The following KCNQ2 variants were observed in gnomAD, a reference collection of about 807,000 sequenced individuals.
KCNQ2 encodes the protein potassium voltage-gated channel subfamily KQT member 2.
In KCNQ2, 14 loss-of-function variants were observed where a neutral mutation model predicts 84.8. The ratio of observed to expected loss-of-function variants is 0.17; its 90% confidence interval spans 0.11 to 0.26. The LOEUF is 0.26. Among genes scored for constraint, KCNQ2 ranks in the 10% least tolerant of loss-of-function variants. The pLI, the probability that KCNQ2 is intolerant of heterozygous loss-of-function variation, is 1.00. For synonymous variants in KCNQ2, 599 were observed against 554.1 expected, an observed-to-expected ratio of 1.08 and a Z score of -1.14; for missense variants, 788 against 1,254.0, an observed-to-expected ratio of 0.63 and a Z score of 5.61.
At position 63,400,849 on chromosome 20, in the gene KCNQ2, G is replaced by A; in HGVS notation, c.*5795C>T. ...CGTGTCTCTGGAGCCCGTCCCTTGGGCCCCTCGCCCGCCCCACCTGTTCGC... is the reference window on the plus strand; with the variant it reads ...CGTGTCTCTGGAGCCCGTCCCTTGGACCCCTCGCCCGCCCCACCTGTTCGC... On this transcript the variant is annotated 3_prime_UTR_variant, in exon 17 of 17. Coordinates refer to ENST00000359125, the MANE Select transcript of KCNQ2 (RefSeq NM_172107.4). The surrounding 1 kb of genome is among the most constrained non-coding windows in gnomAD (Gnocchi z 8.7). 2.5e-6 allele frequency: 1 copy of A among 398,438 alleles called. No individual in the cohort carries two copies. Among genetic ancestry groups the A allele is most frequent in the Non-Finnish European group, 4.4e-6 (1 of 225,916 alleles). The allele number at this position is 398,438 out of a possible 1,614,324, so 24.7% of individuals were successfully genotyped here.
Position 63,414,869 on chromosome 20 carries a change from A to G in KCNQ2, c.1525+34T>C. The G allele has an allele frequency of 3.8e-6, 6 of 1,584,998 alleles. No individual in the cohort carries two copies. The highest frequency in any genetic ancestry group is 4.3e-6 in the Non-Finnish European group (5 of 1,155,878). ...GTGGCCACCACATCCATCCCCGGAG[A>G]GGATGGACCAGGAGAGGATGCGGCC... On this transcript the variant is annotated intron_variant, in intron 13 of 16. Transcript: ENST00000359125. This position sits in a 1 kb window ranked among gnomAD's most constrained non-coding sequence, Gnocchi z 6.6.
chr20:63,436,862 C>T (rs2081025954), intron 7 of KCNQ2, among the ~76,000 whole-genome samples: 1 of 150,678 alleles, frequency 6.6e-6, no homozygotes, highest in Non-Finnish European at 1.5e-5. Context: ...CTGCAACCTC[C>T]GTCTCCCGGG....
chr20:63,464,385 C>T (rs1261101769), intron 1 of KCNQ2, among the ~76,000 whole-genome samples: 1 of 152,066 alleles, frequency 6.6e-6, no homozygotes, highest in African/African-American at 2.4e-5. Flanking sequence ...CCCACCCCAG[C>T]CCCTCACCTG....
chr20:63,461,059 AG>A (rs2081934430), intron 1 of KCNQ2: 1 of 152,256 alleles, frequency 6.6e-6, no homozygotes, highest in African/African-American at 2.4e-5. Context: ...GAAAGAAACC[AG>A]GAAGAGCAAA....
At chr20:63,417,945 C>A (rs1360884221) in intron 12 of KCNQ2, among the ~76,000 whole-genome samples, 2 of 152,124 alleles carry the variant, frequency 1.3e-5, no homozygotes, top group African/African-American at 4.8e-5. Context: ...CTCGGCGCGG[C>A]CCTGCTGTCC....
chr20:63,409,080 G>T (rs2080034115), intron 15 of KCNQ2, among the ~76,000 whole-genome samples: 1 of 152,244 alleles, frequency 6.6e-6, no homozygotes, highest in Non-Finnish European at 1.5e-5. Context: ...GGGGACAACA[G>T]AAGCAGAAAA....
At chr20:63,415,947 C>T (rs1174707054) in intron 12 of KCNQ2, among the ~76,000 whole-genome samples, 4 of 152,188 alleles carry the variant, frequency 2.6e-5, no homozygotes, top group East Asian at 1.9e-4. Context: ...GCCAAGTCTG[C>T]GGTGGACCCT....
rs1048067870 is a variant in KCNQ2, at chr20:63,403,686, C to T, written c.*2958G>A. On this transcript the variant is annotated 3_prime_UTR_variant, in exon 17 of 17. Coordinates refer to ENST00000359125, the MANE Select transcript of KCNQ2 (RefSeq NM_172107.4). ...ATGGTCTATACAGGTGTGGTCAGTG[C>T]ACATGTGTGCTATGTGGTCTGTGTG... 6.6e-6 allele frequency: 1 copy of T among 152,116 alleles called. No homozygotes were observed. The highest frequency in any genetic ancestry group is 1.5e-5 in the Non-Finnish European group (1 of 68,036). The allele number at this position is 152,116 out of a possible 1,614,324, so 9.4% of individuals were successfully genotyped here. A position where few individuals can be genotyped will look rare whatever the true frequency, so the allele number is the denominator to read the frequency against.
chr20:63,429,523 C>T (rs1214483845), intron 9 of KCNQ2, among the ~76,000 whole-genome samples: 1 of 152,204 alleles, frequency 6.6e-6, no homozygotes, highest in East Asian at 1.9e-4. Context: ...TGCCCGTGTC[C>T]TCCCTCTGCC....
chr20:63,409,046 G>C (rs1463372755), intron 15 of KCNQ2, among the ~76,000 whole-genome samples: 3 of 152,264 alleles, frequency 2.0e-5, no homozygotes, highest in Non-Finnish European at 2.9e-5. Context: ...GGGTCTGATG[G>C]GGACGGAGTT....
chr20:63,444,133 AC>A (rs1460591622), intron 4 of KCNQ2, among the ~76,000 whole-genome samples: 1 of 152,194 alleles, frequency 6.6e-6, no homozygotes, highest in Non-Finnish European at 1.5e-5. Context: ...AAATGAGCCC[AC>A]CCGTGAGCAA....
chr20:63,428,379 C>T lies in KCNQ2; in HGVS notation c.1205G>A (p.Gly402Glu). ...CTCCCCAGCTGACCTGAAAGCGAGT[C>T]CAGATTTACTCTTGAGGTTCCTCAG... ...ELLRNLKSKSGLAFRKDPPPE... is the reference protein window; with the variant it reads ...ELLRNLKSKSELAFRKDPPPE... The change falls in exon 10 of 17, where the codon GGA becomes GAA. Residue 402 changes from glycine (G) to glutamate (E), a missense_variant. Transcript: ENST00000359125. 1 of 1,573,874 alleles carries T rather than the reference C, an allele frequency of 6.4e-7. No individual in the cohort carries two copies. The highest frequency in any genetic ancestry group is 8.6e-7 in the Non-Finnish European group (1 of 1,159,464).
intron 4 of KCNQ2, 113 bp from the exon 5 acceptor site, chr20:63,442,644 A>T (rs1345651394): frequency 3.9e-5 from 31 of 788,092 alleles, no homozygotes; most frequent in African/African-American, 6.4e-5. Flanking sequence ...ACCACCACCA[A>T]AACCATCACC....
chr20:63,462,370 G>GAAAT (rs2081979519), intron 1 of KCNQ2, among the ~76,000 whole-genome samples: 1 of 116,628 alleles, frequency 8.6e-6, no homozygotes, highest in Admixed American at 8.5e-5. Context: ...GGGAGGAGGC[G>GAAAT]GCACCTACCC....
rs955243048 is a variant in KCNQ2, at chr20:63,425,423, G to A, written c.1218-1217C>T. ...TGGACTGTGTGTCCAAAACCTCATC[G>A]AAATCCCATCCGTTGGCCAGGCACA... On this transcript the variant is annotated intron_variant, in intron 10 of 16. Coordinates refer to ENST00000359125, the MANE Select transcript of KCNQ2 (RefSeq NM_172107.4). The surrounding 1 kb of genome is among the most constrained non-coding windows in gnomAD (Gnocchi z 5.5). Among the ~76,000 whole-genome samples the A allele has an allele frequency of 2.0e-5, 3 of 152,016 alleles. No homozygotes were observed. Among genetic ancestry groups the A allele is most frequent in the African/African-American group, 4.8e-5 (2 of 41,360 alleles).
At chr20:63,445,166 T>TC in intron 3 of KCNQ2, 72 bp downstream of exon 3, 4 of 1,603,538 alleles carry the variant, frequency 2.5e-6, no homozygotes, top group East Asian at 2.2e-5. Flanking sequence ...ACGCCCCAGC[T>TC]CCCCCCAGGG....
chr20:63,445,605 C>A, intron 2 of KCNQ2: 1 of 77,966 alleles, frequency 1.3e-5, no homozygotes, highest in Non-Finnish European at 2.1e-5. Context: ...CCACCCTCCC[C>A]ACCTCCCTGT....
intron 6 of KCNQ2, 124 bp downstream of exon 6, chr20:63,439,474 A>C: frequency 1.3e-6 from 1 of 751,350 alleles, no homozygotes; most frequent in Non-Finnish European, 2.4e-6. Context: ...GGGGCTGTGG[A>C]CCTGCTGAGA....
Position 63,454,015 on chromosome 20 carries a change from G to A in KCNQ2, c.297-7178C>T, listed in dbSNP as rs1376058597. Among the ~76,000 whole-genome samples, 4 of 152,324 alleles carry A rather than the reference G, an allele frequency of 2.6e-5. No individual in the cohort carries two copies. The East Asian group carries it at 7.7e-4, about 29-fold the overall frequency. On this transcript the variant is annotated intron_variant, in intron 1 of 16. Transcript: ENST00000359125. ...CCAGGTCCCAAATGTTCAGGACTCA[G>A]CCTGCTTCCTAAGGTGGCTCCGACC... is the stretch of plus-strand genomic sequence containing the variant.
Sources: gnomAD v4.1 joint callset for allele counts (sites outside exome capture counted in the v4.1 genomes callset) on GRCh38, gnomAD v4.1.1 for gene constraint, Gnocchi (gnomAD v3.1) non-coding constraint, MANE v1.5 for transcripts, NCBI Gene and HGNC (gene_info 2026-07-23, HGNC 2026-07-21) for gene names.